TSBP1: variants seen among roughly 807,000 people sequenced by gnomAD.
TSBP1 encodes testis expressed basic protein 1.
Under a neutral mutation model 68.8 loss-of-function variants are expected in TSBP1, and 56 were observed. That is an observed-to-expected ratio of 0.81 (90% CI 0.66 to 1.02). The LOEUF (loss-of-function observed/expected upper bound fraction) is 1.02, where lower values mean the gene tolerates loss of function less well. Among genes scored for constraint, TSBP1 ranks in the 50% least tolerant of loss-of-function variants. The pLI is 0.00. For missense variants in TSBP1, 502 were observed against 641.2 expected (o/e 0.78, Z 2.34); for synonymous variants, 171 against 208.7 (o/e 0.82, Z 1.56).
In TSBP1 at chr6:32,343,921, A is replaced by AGAGGCTAAATTCACAAACTAAAGCCCTG. The variant is rs1770659541; in HGVS notation, c.350-4284_350-4283insCAGGGCTTTAGTTTGTGAATTTAGCCTC. On this transcript the variant is annotated intron_variant, in intron 9 of 22. Transcript: ENST00000612031. This position sits in a 1 kb window ranked among gnomAD's most constrained non-coding sequence, Gnocchi z 4.3. ...TAGGGCAAGACTTGTAGAAGGTTTA[A>AGAGGCTAAATTCACAAACTAAAGCCCTG]TGATATTAACTTTGATAGTAATTTG... 1.3e-5 allele frequency among the ~76,000 whole-genome samples: 2 copies of AGAGGCTAAATTCACAAACTAAAGCCCTG among 152,056 alleles called. No homozygotes were observed. The highest frequency in any genetic ancestry group is 4.8e-5 in the African/African-American group (2 of 41,330).
In TSBP1 at chr6:32,327,040, C is replaced by T. The variant is rs193293143; in HGVS notation, c.515-3426G>A. Reference sequence around the variant, plus strand: ...TATTCATACAAATATCCTTCCCTTCCCTTGTTGACAAGTCACTATAAACTT... The same window carrying T: ...TATTCATACAAATATCCTTCCCTTCTCTTGTTGACAAGTCACTATAAACTT... On this transcript the variant is annotated intron_variant, in intron 16 of 22. Coordinates refer to ENST00000612031, the Ensembl canonical transcript of TSBP1. Among the ~76,000 whole-genome samples, 270 of 152,302 alleles carry T rather than the reference C, an allele frequency of 1.8e-3. 5 individuals are homozygous for T. Among genetic ancestry groups the T allele is most frequent in the Non-Finnish European group, 1.7e-3 (116 of 68,028 alleles).
intron 22 of TSBP1, 25 bp downstream of exon 25, chr6:32,299,897 A>G: frequency 6.3e-7 from 1 of 1,576,430 alleles, no homozygotes; most frequent in Non-Finnish European, 8.7e-7. Flanking sequence ...AAAATATCAG[A>G]GTTGAGAATA....
chr6:32,303,310 A>C (rs1582979964), intron 19 of TSBP1, among the ~76,000 whole-genome samples: 1 of 129,274 alleles, frequency 7.7e-6, no homozygotes, highest in African/African-American at 3.3e-5. Flanking sequence ...CAGTTCTAGT[A>C]CGTGTTTTTT....
At chr6:32,355,071 G>A in intron 8 of TSBP1, 53 bp downstream of exon 8, 1 of 1,509,710 alleles carries the variant, frequency 6.6e-7, no homozygotes, top group Non-Finnish European at 9.0e-7. Context: ...AGAAAAAATA[G>A]GGCTTGCAAA....
Position 32,322,509 on chromosome 6 carries a change from G to A in TSBP1, c.559+608C>T. On this transcript the variant is annotated intron_variant, in intron 18 of 22. Transcript: ENST00000612031. ...ACTTGCGGTTCTCTGTGAAATTACT[G>A]AAAAATAAGCAAACAGAAATCCATT... 2.5e-6 allele frequency: 4 copies of A among 1,594,862 alleles called. No homozygotes were observed. The highest frequency in any genetic ancestry group is 2.6e-6 in the Non-Finnish European group (3 of 1,162,974).
chr6:32,343,375 G>T lies in TSBP1; in HGVS notation c.350-3737C>A. 1 of 508,164 alleles carries T rather than the reference G, an allele frequency of 2.0e-6. No homozygotes were observed. 31.5% of individuals were successfully genotyped at this position (508,164 alleles called of 1,614,324 possible). A position where few individuals can be genotyped will look rare whatever the true frequency, so the allele number is the denominator to read the frequency against. On this transcript the variant is annotated intron_variant, in intron 9 of 22. Coordinates refer to ENST00000612031, the Ensembl canonical transcript of TSBP1. This position sits in a 1 kb window ranked among gnomAD's most constrained non-coding sequence, Gnocchi z 4.3. ...AGGTTATTAGACTTTCCATTCCCCT[G>T]TAGGTAGGCTCATAAAGTGGCCACA...
At position 32,339,642 on chromosome 6, in the gene TSBP1, TA is replaced by T; in HGVS notation, c.350-5del. The T allele has an allele frequency of 2.6e-6, 3 of 1,168,542 alleles. No homozygotes were observed. Among genetic ancestry groups the T allele is most frequent in the African/African-American group, 1.5e-5 (1 of 68,380 alleles). The allele number at this position is 1,168,542 out of a possible 1,614,324, so 72.4% of individuals were successfully genotyped here. On this transcript the variant is annotated splice_region_variant and splice_polypyrimidine_tract_variant and intron_variant, in intron 9 of 22. Transcript: ENST00000612031. ...GTTTGTAAACATTTTATACTACCTA[TA>T]ATAAAAATTGAAAAGTGTAACATTA...
In TSBP1 at chr6:32,321,060, C is replaced by G. The variant is rs144758385; in HGVS notation, c.559+2057G>C. 6.6e-6 allele frequency among the ~76,000 whole-genome samples: 1 copy of G among 152,188 alleles called. No homozygotes were observed. The highest frequency in any genetic ancestry group is 2.4e-5 in the African/African-American group (1 of 41,530). ...GTAGTATTCCATGGTGTATATGTAT[C>G]ACATTTTCTTTATTCAGTCTACCAT... On this transcript the variant is annotated intron_variant, in intron 18 of 22. Coordinates refer to ENST00000612031, the Ensembl canonical transcript of TSBP1. This position sits in a 1 kb window ranked among gnomAD's most constrained non-coding sequence, Gnocchi z 4.3.
intron 20 of TSBP1, 77 bp from the exon 24 acceptor site, chr6:32,300,777 G>A: frequency 8.8e-7 from 1 of 1,140,646 alleles, no homozygotes; most frequent in Non-Finnish European, 1.3e-6. Context: ...TCTGCATTGA[G>A]TGGGATCTGT....
At chr6:32,297,002 T>G (rs578014404) in intron 22 of TSBP1, among the ~76,000 whole-genome samples, 2 of 152,334 alleles carry the variant, frequency 1.3e-5, no homozygotes, top group African/African-American at 4.8e-5. Context: ...CTTTTAAATC[T>G]TGAATTTAAT....
intron 3 of TSBP1, among the ~76,000 whole-genome samples, chr6:32,368,403 T>C (rs945841015): frequency 6.6e-6 from 1 of 152,222 alleles, no homozygotes; most frequent in Non-Finnish European, 1.5e-5. Flanking sequence ...GGATACATTA[T>C]ATTTTTTGGT....
intron 8 of TSBP1, 164 bp from the exon 9 acceptor site, chr6:32,349,924 A>G: frequency 1.2e-6 from 1 of 806,342 alleles, no homozygotes. Flanking sequence ...GCAGCTGGAT[A>G]TCTACATATG....
intron 10 of TSBP1, 150 bp downstream of exon 11, chr6:32,339,450 C>G (rs1305642530): frequency 1.4e-6 from 1 of 734,330 alleles, no homozygotes; most frequent in Non-Finnish European, 2.6e-6. Flanking sequence ...TCACCACCTT[C>G]CCCATTCCTC....
chr6:32,328,628 G>A (rs1768558720), intron 16 of TSBP1, among the ~76,000 whole-genome samples: 1 of 151,900 alleles, frequency 6.6e-6, no homozygotes. Context: ...TGTTGGCCAG[G>A]CTGGTCTTGA....
At chr6:32,324,672 C>T (rs753970808) in intron 16 of TSBP1, 5 of 1,550,560 alleles carry the variant, frequency 3.2e-6, no homozygotes, top group African/African-American at 2.7e-5. Flanking sequence ...TGTGAGGATG[C>T]GATCTGACTG....
chr6:32,311,771 C>G (rs1483200397), intron 19 of TSBP1, among the ~76,000 whole-genome samples: 1 of 152,126 alleles, frequency 6.6e-6, no homozygotes, highest in Non-Finnish European at 1.5e-5. Flanking sequence ...GATTTGCTTA[C>G]AGTGATTGGG....
chr6:32,367,655 C>T (rs983774969), intron 4 of TSBP1, among the ~76,000 whole-genome samples: 1 of 152,090 alleles, frequency 6.6e-6, no homozygotes, highest in Non-Finnish European at 1.5e-5. Context: ...GAAATTGTTT[C>T]GGAGCGGTTC....
chr6:32,293,822 T>C, exon 23 of TSBP1: 4 of 1,613,124 alleles, frequency 2.5e-6, no homozygotes, highest in Non-Finnish European at 3.4e-6. Flanking sequence ...TTTGTCTTTC[T>C]CTAAATCAGT....
rs542579784 is a variant in TSBP1, at chr6:32,306,022, C to A, written c.581-3393G>T. Among the ~76,000 whole-genome samples the A allele has an allele frequency of 7.0e-4, 107 of 152,256 alleles. No homozygotes were observed. The highest frequency in any genetic ancestry group is 2.5e-3 in the African/African-American group (105 of 41,546). On this transcript the variant is annotated intron_variant, in intron 19 of 22. Coordinates refer to ENST00000612031, the Ensembl canonical transcript of TSBP1. This position sits in a 1 kb window ranked among gnomAD's most constrained non-coding sequence, Gnocchi z 5.1. ...CATTGGTGGAAAAATAATTCTCCAT[C>A]ATAATTATATATTGGCAAGGGTCAT...
Sources: allele counts gnomAD v4.1 joint callset (sites outside exome capture counted in the v4.1 genomes callset), GRCh38; gene constraint gnomAD v4.1.1; non-coding constraint Gnocchi (gnomAD v3.1); transcripts MANE v1.5; gene names NCBI Gene and HGNC (gene_info 2026-07-23, HGNC 2026-07-21).